The following TPST1 variants were observed in gnomAD, a reference collection of about 807,000 sequenced individuals.
TPST1 encodes the protein protein-tyrosine sulfotransferase 1.
A neutral mutation model predicts 34.8 loss-of-function variants in TPST1; 20 were observed. That is an observed-to-expected ratio of 0.57 (90% CI 0.40 to 0.84). The LOEUF (loss-of-function observed/expected upper bound fraction) is 0.84, where lower values mean the gene tolerates loss of function less well. TPST1 is among the 40% of genes least tolerant of loss of function. TPST1 has a pLI of 0.00. For missense variants in TPST1, 353 were observed against 455.5 expected (o/e 0.78, Z 2.05); for synonymous variants, 152 against 159.4 (o/e 0.95, Z 0.35).
At chr7:66,248,048 A>G (rs893536483) in intron 2 of TPST1, among the ~76,000 whole-genome samples, 16 of 152,248 alleles carry the variant, frequency 1.1e-4, no homozygotes, top group Admixed American at 3.9e-4. Flanking sequence ...AAATCAGGAA[A>G]TAATCATTGA....
chr7:66,265,280 T>C (rs1790567684), intron 2 of TPST1, among the ~76,000 whole-genome samples: 1 of 152,230 alleles, frequency 6.6e-6, no homozygotes, highest in Non-Finnish European at 1.5e-5. Flanking sequence ...CCAGGTGCAG[T>C]GGCTCATGCC....
chr7:66,253,217 T>G (rs1790303868), intron 2 of TPST1, among the ~76,000 whole-genome samples: 1 of 152,228 alleles, frequency 6.6e-6, no homozygotes, highest in African/African-American at 2.4e-5. Context: ...ATGTAAATAC[T>G]GTGCCATTTT....
intron 3 of TPST1, among the ~76,000 whole-genome samples, chr7:66,325,724 C>T (rs1756859137): frequency 6.6e-6 from 1 of 152,244 alleles, no homozygotes; most frequent in Admixed American, 6.5e-5. Context: ...CAACCTGTGC[C>T]TCCCGGATTC....
intron 3 of TPST1, among the ~76,000 whole-genome samples, chr7:66,345,699 GT>G (rs1483205146): frequency 6.6e-6 from 1 of 151,574 alleles, no homozygotes; most frequent in African/African-American, 2.4e-5. Flanking sequence ...TATTTTTGTG[GT>G]TACCTGGTAG....
chr7:66,317,457 T>C (rs1217717025), intron 3 of TPST1, among the ~76,000 whole-genome samples: 3 of 152,206 alleles, frequency 2.0e-5, no homozygotes, highest in Non-Finnish European at 1.5e-5. Context: ...AGGCATCCTA[T>C]GTTTTGTTTG....
At chr7:66,261,682 T>C (rs1388212657) in intron 2 of TPST1, among the ~76,000 whole-genome samples, 1 of 152,186 alleles carries the variant, frequency 6.6e-6, no homozygotes, top group Non-Finnish European at 1.5e-5. Context: ...CCATAAAATA[T>C]ATGTTGTCAT....
At chr7:66,235,252 C>CTCGGCTCGCTGCAAGCTCCGCCTCCCG (rs1789888064) in intron 1 of TPST1, among the ~76,000 whole-genome samples, 1 of 146,938 alleles carries the variant, frequency 6.8e-6, no homozygotes, top group Non-Finnish European at 1.5e-5. Context: ...ATGGCGCGAA[C>CTCGGCTCGCTGCAAGCTCCGCCTCCCG]TCGGCTCGCT....
intron 1 of TPST1, among the ~76,000 whole-genome samples, chr7:66,221,938 A>T (rs968054712): frequency 4.6e-5 from 7 of 152,136 alleles, no homozygotes; most frequent in Admixed American, 4.6e-4. Flanking sequence ...AGTTTTTTTC[A>T]TCAGTTCCAG....
chr7:66,306,141 G>GTC lies in TPST1; in HGVS notation c.1044+19450_1044+19451dup, dbSNP rs144444657. ...GCACTGGACTGGCTGGAGTGTGCAC[G>GTC]TCTCTCTCTCTCTCTCTCTGGACAT... On this transcript the variant is annotated intron_variant, in intron 3 of 5. Coordinates refer to ENST00000304842, the MANE Select transcript of TPST1 (RefSeq NM_003596.4). Among the ~76,000 whole-genome samples, 230 of 150,068 alleles carry GTC rather than the reference G, an allele frequency of 1.5e-3. 6 individuals carry two copies. The highest frequency in any genetic ancestry group is 2.3e-3 in the South Asian group (11 of 4,758).
intron 3 of TPST1, among the ~76,000 whole-genome samples, chr7:66,320,084 T>C (rs1162760289): frequency 6.6e-6 from 1 of 152,142 alleles, no homozygotes; most frequent in Non-Finnish European, 1.5e-5. Context: ...AATACTCTTT[T>C]ACTGAGACAT....
intron 2 of TPST1, among the ~76,000 whole-genome samples, chr7:66,248,553 G>A (rs1790199217): frequency 6.8e-6 from 1 of 147,064 alleles, no homozygotes; most frequent in Admixed American, 6.9e-5. Context: ...TTCTGGGCTG[G>A]AGTGCAATGG....
intron 3 of TPST1, among the ~76,000 whole-genome samples, 174 bp from the exon 4 acceptor site, chr7:66,352,331 G>A (rs531810044): frequency 3.5e-4 from 53 of 152,332 alleles, no homozygotes; most frequent in African/African-American, 1.2e-3. Flanking sequence ...ACAGTGAATG[G>A]GGATTTCCCT....
intron 2 of TPST1, among the ~76,000 whole-genome samples, chr7:66,286,079 G>T (rs1399999320): frequency 1.3e-5 from 2 of 152,130 alleles, no homozygotes; most frequent in African/African-American, 4.8e-5. Context: ...TTAACATGTT[G>T]CTGTATTTAC....
At chr7:66,229,117 C>CT (rs35107589) in intron 1 of TPST1, among the ~76,000 whole-genome samples, 94,545 of 147,946 alleles carry the variant, frequency 0.64, 30,412 homozygotes, top group African/African-American at 0.73. Context: ...TTGAGACTGG[C>CT]TTTTTTTTTT....
intron 3 of TPST1, among the ~76,000 whole-genome samples, chr7:66,297,047 A>G (rs1385456016): frequency 1.3e-5 from 2 of 152,176 alleles, no homozygotes; most frequent in African/African-American, 4.8e-5. Context: ...CAGTGGATAC[A>G]TAGATATACC....
At chr7:66,217,381 A>G (rs891652335) in intron 1 of TPST1, among the ~76,000 whole-genome samples, 2 of 152,094 alleles carry the variant, frequency 1.3e-5, no homozygotes, top group Admixed American at 1.3e-4. Context: ...TGTTATTTGC[A>G]TATATGTTTA....
intron 2 of TPST1, among the ~76,000 whole-genome samples, chr7:66,252,522 T>C (rs1790288343): frequency 6.7e-6 from 1 of 149,530 alleles, no homozygotes; most frequent in African/African-American, 2.5e-5. Context: ...TTTGTATTTT[T>C]AGTAGAGACG....
intron 3 of TPST1, among the ~76,000 whole-genome samples, chr7:66,334,367 G>A (rs1792051690): frequency 6.6e-6 from 1 of 152,068 alleles, no homozygotes; most frequent in Non-Finnish European, 1.5e-5. Context: ...TGGGCGCGGT[G>A]GCTCACTCCT....
intron 2 of TPST1, among the ~76,000 whole-genome samples, chr7:66,272,006 C>T (rs773443260): frequency 6.6e-6 from 1 of 152,158 alleles, no homozygotes; most frequent in Non-Finnish European, 1.5e-5. Flanking sequence ...GAACAATATT[C>T]TCTGAGTTTG....
Sources: allele counts gnomAD v4.1 joint callset (sites outside exome capture counted in the v4.1 genomes callset), GRCh38; gene constraint gnomAD v4.1.1; transcripts MANE v1.5; gene names NCBI Gene and HGNC (gene_info 2026-07-23, HGNC 2026-07-21).